The following RIMS1 variants were observed in gnomAD, a reference collection of about 807,000 sequenced individuals.
RIMS1 encodes regulating synaptic membrane exocytosis 1, also known as regulating synaptic membrane exocytosis protein 1.
RIMS1 carries 83 observed loss-of-function variants against 214.1 expected under a neutral mutation model. The observed-to-expected ratio is 0.39, with a 90% CI of 0.32 to 0.47. The LOEUF is 0.47. RIMS1 is among the 20% of genes least tolerant of loss of function. The pLI is 0.99. For synonymous variants in RIMS1, 793 were observed against 786.8 expected, an observed-to-expected ratio of 1.01 and a Z score of -0.13; for missense variants, 2,050 against 2,161.8, an observed-to-expected ratio of 0.95 and a Z score of 1.03.
intron 29 of RIMS1, among the ~76,000 whole-genome samples, chr6:72,345,684 A>G (rs1040239564): frequency 2.0e-5 from 3 of 151,930 alleles, no homozygotes; most frequent in South Asian, 2.1e-4. Flanking sequence ...ACTTTAAAAA[A>G]TGTGTATTTA....
chr6:72,108,547 A>T (rs1292109238), intron 4 of RIMS1, among the ~76,000 whole-genome samples: 1 of 152,012 alleles, frequency 6.6e-6, no homozygotes, highest in Non-Finnish European at 1.5e-5. Flanking sequence ...CTGTCTTTTC[A>T]TGGAGATTGA....
intron 4 of RIMS1, among the ~76,000 whole-genome samples, chr6:72,130,179 A>G (rs148704581): frequency 1.9e-4 from 29 of 152,254 alleles, no homozygotes; most frequent in African/African-American, 6.0e-4. Context: ...TGCACCAATT[A>G]TTTGTGTGAG....
At chr6:72,014,927 T>G (rs1252546277) in intron 2 of RIMS1, among the ~76,000 whole-genome samples, 1 of 152,230 alleles carries the variant, frequency 6.6e-6, no homozygotes, top group Non-Finnish European at 1.5e-5. Context: ...GGCTCAGATT[T>G]TGTATTAGGT....
chr6:72,205,575 G>A (rs1403205460), intron 6 of RIMS1, among the ~76,000 whole-genome samples: 2 of 152,160 alleles, frequency 1.3e-5, no homozygotes, highest in Admixed American at 6.5e-5. Flanking sequence ...ACCAAGCCTG[G>A]TGTTTGGAAC....
intron 7 of RIMS1, among the ~76,000 whole-genome samples, chr6:72,234,875 T>C (rs2063423518): frequency 6.6e-6 from 1 of 152,110 alleles, no homozygotes; most frequent in Non-Finnish European, 1.5e-5. Flanking sequence ...TTTAAGGTTC[T>C]TCCCTGTCTT....
chr6:72,152,161 T>G (rs1211745076), intron 4 of RIMS1, among the ~76,000 whole-genome samples: 3 of 152,220 alleles, frequency 2.0e-5, no homozygotes. Flanking sequence ...ACATCCAAAC[T>G]ATATCACATG....
rs114869769 is a variant in RIMS1 at position 72,226,971 on chromosome 6, C to T, written c.1679-6802C>T. On this transcript the variant is annotated intron_variant, in intron 6 of 33. Transcript: ENST00000521978. Reference sequence around the variant, plus strand: ...CATGAAGTGTTTGTGAGGAAAGGCACTATTCTTATTTTGTAAAAGAGGACA... The same window carrying T: ...CATGAAGTGTTTGTGAGGAAAGGCATTATTCTTATTTTGTAAAAGAGGACA... 8.1e-3 allele frequency among the ~76,000 whole-genome samples: 1,225 copies of T among 152,082 alleles called. 19 individuals carry two copies. The highest frequency in any genetic ancestry group is 0.029 in the African/African-American group (1,190 of 41,522).
chr6:71,927,321 T>G (rs1781839621), intron 1 of RIMS1, among the ~76,000 whole-genome samples: 2 of 152,184 alleles, frequency 1.3e-5, no homozygotes, highest in African/African-American at 4.8e-5. Context: ...ACAATTTTCT[T>G]ACTTGGTACT....
chr6:72,306,687 C>G (rs2095201367), intron 26 of RIMS1, among the ~76,000 whole-genome samples: 1 of 152,128 alleles, frequency 6.6e-6, no homozygotes, highest in East Asian at 1.9e-4. Flanking sequence ...GTGAGCTAAT[C>G]TTTTAGTAAG....
At chr6:72,003,932 A>G (rs546539937) in intron 2 of RIMS1, among the ~76,000 whole-genome samples, 8 of 150,334 alleles carry the variant, frequency 5.3e-5, no homozygotes, top group South Asian at 2.1e-4. Flanking sequence ...GGTTAGTTAC[A>G]TATGTATACA....
chr6:72,052,574 T>G (rs1825005761), intron 2 of RIMS1, among the ~76,000 whole-genome samples: 1 of 152,208 alleles, frequency 6.6e-6, no homozygotes, highest in Non-Finnish European at 1.5e-5. Context: ...ACTGTAAATA[T>G]CATGGACTTT....
intron 2 of RIMS1, among the ~76,000 whole-genome samples, chr6:72,051,120 G>A (rs1287222960): frequency 1.3e-5 from 2 of 152,108 alleles, no homozygotes; most frequent in Non-Finnish European, 2.9e-5. Flanking sequence ...CCAAAAGATC[G>A]TTTCTTTTTT....
intron 6 of RIMS1, among the ~76,000 whole-genome samples, chr6:72,191,215 T>G (rs1287395485): frequency 6.6e-6 from 1 of 152,168 alleles, no homozygotes; most frequent in Non-Finnish European, 1.5e-5. Context: ...AAATGAGGAA[T>G]GTGTTGCCTC....
intron 2 of RIMS1, among the ~76,000 whole-genome samples, chr6:72,076,970 A>T (rs1057358619): frequency 7.2e-5 from 11 of 152,102 alleles, no homozygotes; most frequent in East Asian, 1.9e-4. Flanking sequence ...GAAAATAAAA[A>T]ATTCCCTCCA....
chr6:72,129,338 T>A (rs918419260), intron 4 of RIMS1, among the ~76,000 whole-genome samples: 7 of 152,144 alleles, frequency 4.6e-5, no homozygotes, highest in African/African-American at 7.2e-5. Flanking sequence ...TAATTTTCAC[T>A]GGGTATAAGA....
chr6:72,061,822 A>G (rs1197244873), intron 2 of RIMS1, among the ~76,000 whole-genome samples: 4 of 152,274 alleles, frequency 2.6e-5, no homozygotes, highest in Admixed American at 6.5e-5. Flanking sequence ...AAGATTTATA[A>G]CACAATAACA....
chr6:72,118,973 G>T (rs1256696407), intron 4 of RIMS1, among the ~76,000 whole-genome samples: 2 of 151,586 alleles, frequency 1.3e-5, no homozygotes, highest in Non-Finnish European at 3.0e-5. Context: ...GTCCTGGCCA[G>T]ACCAATCAGA....
At chr6:72,319,112 G>A (rs964009054) in intron 28 of RIMS1, among the ~76,000 whole-genome samples, 2 of 152,098 alleles carry the variant, frequency 1.3e-5, no homozygotes, top group African/African-American at 4.8e-5. Context: ...TGAAAAGTAA[G>A]AAGGATCATG....
chr6:72,328,646 TA>T lies in RIMS1; in HGVS notation c.4131-4953del, dbSNP rs528532569. Among the ~76,000 whole-genome samples the T allele has an allele frequency of 2.0e-4, 31 of 151,894 alleles. No homozygotes were observed. The South Asian group carries it at 3.5e-3, about 17-fold the overall frequency. ...GAATGTTTTTGTCACCAATTAAAAA[TA>T]TTTTTTTTTAGCAAACAGAACTAGC... On this transcript the variant is annotated intron_variant, in intron 28 of 33. Coordinates refer to ENST00000521978, the MANE Select transcript of RIMS1 (RefSeq NM_014989.7).
Sources: gnomAD v4.1 joint callset for allele counts (sites outside exome capture counted in the v4.1 genomes callset) on GRCh38, gnomAD v4.1.1 for gene constraint, MANE v1.5 for transcripts, NCBI Gene and HGNC (gene_info 2026-07-23, HGNC 2026-07-21) for gene names.